Variants in PAM observed in about 807,000 individuals in gnomAD.
The protein encoded by PAM is peptidyl-glycine alpha-amidating monooxygenase.
In PAM, 72 loss-of-function variants were observed where a neutral mutation model predicts 122.1. The observed-to-expected ratio is 0.59, with a 90% confidence interval of 0.49 to 0.72. The LOEUF is 0.72. Ranked by LOEUF, PAM falls within the 30% of genes least tolerant of loss-of-function variation. The pLI is 0.00. For synonymous variants in PAM, 389 were observed against 404.4 expected, an observed-to-expected ratio of 0.96 and a Z score of 0.46; for missense variants, 1,106 against 1,183.7, an observed-to-expected ratio of 0.93 and a Z score of 0.96.
At chr5:102,927,009 G>T (rs1177058799) in intron 7 of PAM, among the ~76,000 whole-genome samples, 3 of 151,938 alleles carry the variant, frequency 2.0e-5, no homozygotes, top group African/African-American at 4.8e-5. Context: ...GAAGGTACTG[G>T]TTGTTTATAT....
intron 1 of PAM, among the ~76,000 whole-genome samples, chr5:102,794,672 A>G (rs1200668277): frequency 1.3e-5 from 2 of 152,218 alleles, no homozygotes; most frequent in Non-Finnish European, 2.9e-5. Flanking sequence ...TACAAATTAA[A>G]TAGAGATTAT....
intron 16 of PAM, among the ~76,000 whole-genome samples, chr5:102,992,155 T>C (rs998339700): frequency 6.6e-6 from 1 of 152,150 alleles, no homozygotes; most frequent in African/African-American, 2.4e-5. Context: ...TGCTAGCATC[T>C]AGGTAACCAG....
intron 16 of PAM, among the ~76,000 whole-genome samples, chr5:102,998,362 G>A (rs1776338893): frequency 6.6e-6 from 1 of 152,150 alleles, no homozygotes; most frequent in Middle Eastern, 3.2e-3. Context: ...GCAGAGAGGG[G>A]AAGATGTGGA....
At chr5:102,959,705 T>G (rs1247658133) in intron 12 of PAM, among the ~76,000 whole-genome samples, 170 bp from the exon 13 acceptor site, 1 of 152,160 alleles carries the variant, frequency 6.6e-6, no homozygotes, top group Non-Finnish European at 1.5e-5. Context: ...TTTGACAATG[T>G]GCTTTTGATG....
At chr5:102,765,566 C>T (rs920665081) in intron 1 of PAM, among the ~76,000 whole-genome samples, 1 of 152,288 alleles carries the variant, frequency 6.6e-6, no homozygotes, top group Admixed American at 6.5e-5. Flanking sequence ...CCGACTTCAT[C>T]TACAACCTGC....
chr5:102,988,085 A>G (rs1241439317), intron 15 of PAM, among the ~76,000 whole-genome samples: 1 of 152,142 alleles, frequency 6.6e-6, no homozygotes, highest in Non-Finnish European at 1.5e-5. Flanking sequence ...CTAAATCAGA[A>G]ATCAGGGTCA....
At chr5:103,015,945 T>C (rs1487291011) in intron 21 of PAM, among the ~76,000 whole-genome samples, 1 of 152,208 alleles carries the variant, frequency 6.6e-6, no homozygotes, top group Non-Finnish European at 1.5e-5. Flanking sequence ...TCAGAAAATA[T>C]GAAGTATTCT....
intron 3 of PAM, among the ~76,000 whole-genome samples, chr5:102,879,488 G>A (rs1214728543): frequency 6.6e-6 from 1 of 152,122 alleles, no homozygotes; most frequent in Admixed American, 6.5e-5. Flanking sequence ...GGGTCATGGG[G>A]GCAGATTTCC....
At chr5:102,938,335 T>A (rs1753961557) in intron 7 of PAM, among the ~76,000 whole-genome samples, 1 of 152,154 alleles carries the variant, frequency 6.6e-6, no homozygotes, top group Non-Finnish European at 1.5e-5. Flanking sequence ...CCATTATGTA[T>A]CAGGAATTAC....
At chr5:102,758,729 T>C (rs1474253239) in intron 1 of PAM, among the ~76,000 whole-genome samples, 1 of 152,208 alleles carries the variant, frequency 6.6e-6, no homozygotes, top group East Asian at 1.9e-4. Flanking sequence ...AAAGGACTGT[T>C]GTCAGCATTA....
intron 21 of PAM, among the ~76,000 whole-genome samples, chr5:103,013,858 A>T (rs1781288944): frequency 6.6e-6 from 1 of 152,192 alleles, no homozygotes; most frequent in Non-Finnish European, 1.5e-5. Flanking sequence ...TAAACTAAAG[A>T]TTCCAGTATA....
At chr5:102,764,554 A>T (rs1057462915) in intron 1 of PAM, among the ~76,000 whole-genome samples, 1 of 152,180 alleles carries the variant, frequency 6.6e-6, no homozygotes, top group Non-Finnish European at 1.5e-5. Flanking sequence ...AAGGAATACC[A>T]AGAAGGCCAG....
chr5:103,021,469 C>T (rs901254967), intron 23 of PAM, among the ~76,000 whole-genome samples: 1 of 152,138 alleles, frequency 6.6e-6, no homozygotes, highest in East Asian at 1.9e-4. Context: ...TCATCTTAGC[C>T]GGTCAATGAT....
intron 1 of PAM, among the ~76,000 whole-genome samples, chr5:102,797,493 C>T (rs1301846997): frequency 6.6e-6 from 1 of 152,124 alleles, no homozygotes; most frequent in Non-Finnish European, 1.5e-5. Flanking sequence ...CAGCAGGTGG[C>T]TAATGGCTTT....
At chr5:102,929,677 G>C (rs1750763874) in intron 7 of PAM, among the ~76,000 whole-genome samples, 1 of 152,130 alleles carries the variant, frequency 6.6e-6, no homozygotes, top group South Asian at 2.1e-4. Context: ...TAAAGCACCA[G>C]AAATGAAGGC....
At chr5:102,824,973 C>T (rs1253509378) in intron 1 of PAM, among the ~76,000 whole-genome samples, 1 of 152,166 alleles carries the variant, frequency 6.6e-6, no homozygotes, top group Non-Finnish European at 1.5e-5. Flanking sequence ...AAATAACCCA[C>T]CACTGACACA....
chr5:102,950,414 T>TGGGG (rs143308359), intron 11 of PAM, among the ~76,000 whole-genome samples: 1 of 148,978 alleles, frequency 6.7e-6, no homozygotes, highest in Non-Finnish European at 1.5e-5. Flanking sequence ...TGTATGTGGG[T>TGGGG]GGGTGTGTGT....
chr5:102,909,549 A>AT (rs1339087297), intron 4 of PAM, among the ~76,000 whole-genome samples: 7 of 151,914 alleles, frequency 4.6e-5, no homozygotes, highest in East Asian at 2.0e-4. Flanking sequence ...ATTACTGGTA[A>AT]TTCGCCCGTG....
At position 102,831,030 on chromosome 5, in the gene PAM, C is replaced by T. The variant is rs1775289584; in HGVS notation, c.-373-34793C>T. On this transcript the variant is annotated intron_variant, in intron 1 of 25. Transcript: ENST00000438793. ...CCCAAAGACAGATAAGTTTTAATCT[C>T]TATTTCAGCTTTGTTCAGTGGGAAT... 1.3e-5 allele frequency among the ~76,000 whole-genome samples: 2 copies of T among 151,268 alleles called. 1 individual carries two copies. The highest frequency in any genetic ancestry group is 4.2e-4 in the South Asian group (2 of 4,762).
Sources: allele counts gnomAD v4.1 joint callset (sites outside exome capture counted in the v4.1 genomes callset), GRCh38; gene constraint gnomAD v4.1.1; transcripts MANE v1.5; gene names NCBI Gene and HGNC (gene_info 2026-07-23, HGNC 2026-07-21).